MAD1L1: variants seen among roughly 807,000 people sequenced by gnomAD.
MAD1L1 encodes mitotic arrest deficient 1 like 1, also known as mitotic spindle assembly checkpoint protein MAD1.
MAD1L1 carries 95 observed loss-of-function variants against 96.9 expected under a neutral mutation model. The observed-to-expected ratio is 0.98, with a 90% CI of 0.83 to 1.16. MAD1L1 has a LOEUF of 1.16. MAD1L1 is among the 50% of genes most tolerant of loss of function. The probability of loss-of-function intolerance (pLI) is 0.00; values close to 1 mark genes in which losing one functional copy is unlikely to be tolerated. For missense variants in MAD1L1, 1,007 were observed against 954.4 expected, an observed-to-expected ratio of 1.06 and a Z score of -0.73; for synonymous variants, 473 against 396.6, an observed-to-expected ratio of 1.19 and a Z score of -2.29.
intron 13 of MAD1L1, among the ~76,000 whole-genome samples, chr7:2,010,395 A>G (rs73277179): frequency 0.018 from 2,746 of 152,276 alleles, 96 homozygotes; most frequent in African/African-American, 0.063. Context: ...GATTCTCCAC[A>G]CACCTCCACA....
intron 17 of MAD1L1, among the ~76,000 whole-genome samples, chr7:1,920,725 A>C (rs533471686): frequency 1.3e-5 from 2 of 152,364 alleles, no homozygotes; most frequent in South Asian, 4.1e-4. Flanking sequence ...CCCAACACTT[A>C]GAAATGACCA....
At position 2,103,947 on chromosome 7, in the gene MAD1L1, A is replaced by C. The variant is rs1289813241; in HGVS notation, c.1074-34609T>G. 6.6e-6 allele frequency among the ~76,000 whole-genome samples: 1 copy of C among 152,222 alleles called. No individual in the cohort carries two copies. The highest frequency in any genetic ancestry group is 1.5e-5 in the Non-Finnish European group (1 of 68,046). ...GGACGTCGGAGAAAGAGGCCCCCAG[A>C]CACATGGCAGAGAATCAAATATGCA... On this transcript the variant is annotated intron_variant, in intron 11 of 18. Transcript: ENST00000265854. The surrounding 1 kb of genome is among the most constrained non-coding windows in gnomAD (Gnocchi z 4.3).
intron 12 of MAD1L1, among the ~76,000 whole-genome samples, chr7:2,042,971 C>G (rs985625612): frequency 6.6e-6 from 1 of 152,118 alleles, no homozygotes. Flanking sequence ...CACAGGCCGA[C>G]CCCGTGAAGC....
At chr7:2,218,227 A>C (rs1281748371) in intron 6 of MAD1L1, among the ~76,000 whole-genome samples, 184 bp from the exon 7 acceptor site, 2 of 151,256 alleles carry the variant, frequency 1.3e-5, no homozygotes, top group Non-Finnish European at 3.0e-5. Context: ...TGGGTACCCC[A>C]AGGTCCCAGG....
At chr7:2,174,232 C>G (rs1303067784) in intron 10 of MAD1L1, among the ~76,000 whole-genome samples, 2 of 152,224 alleles carry the variant, frequency 1.3e-5, no homozygotes, top group African/African-American at 4.8e-5. Flanking sequence ...AAATTATTTT[C>G]CTGCAACTCT....
rs192108890 is a variant in MAD1L1, at chr7:1,833,895, C to G, written c.1999-17667G>C. Among the ~76,000 whole-genome samples, 13 of 152,310 alleles carry G rather than the reference C, an allele frequency of 8.5e-5. No homozygotes were observed. In the East Asian group the frequency reaches 2.5e-3, roughly 29 times the overall value. ...CCTGGAAGGCAGAGGTTGCAGTGAG[C>G]TGAGATTGCGCCATGCACTCCAGCC... On this transcript the variant is annotated intron_variant, in intron 18 of 18. Coordinates refer to ENST00000265854, the MANE Select transcript of MAD1L1 (RefSeq NM_001013836.2).
chr7:2,063,312 T>C (rs1205331201), intron 12 of MAD1L1, among the ~76,000 whole-genome samples: 2 of 152,242 alleles, frequency 1.3e-5, no homozygotes, highest in Non-Finnish European at 2.9e-5. Flanking sequence ...AGTCCCTGGC[T>C]CCGCGTCCTC....
chr7:2,225,022 A>G (rs1206104647), intron 4 of MAD1L1, among the ~76,000 whole-genome samples: 2 of 152,212 alleles, frequency 1.3e-5, no homozygotes, highest in African/African-American at 2.4e-5. Context: ...AGACCCAGCA[A>G]AAGAATCTGT....
chr7:2,038,263 T>C (rs1473619597), intron 12 of MAD1L1, among the ~76,000 whole-genome samples: 2 of 152,104 alleles, frequency 1.3e-5, no homozygotes, highest in African/African-American at 2.4e-5. Flanking sequence ...CACATAAAAG[T>C]ACAAGGTGAA....
intron 12 of MAD1L1, among the ~76,000 whole-genome samples, chr7:2,065,273 G>A (rs1784831098): frequency 6.6e-6 from 1 of 152,114 alleles, no homozygotes. Flanking sequence ...GGCCTAAACT[G>A]CACCCAGCGA....
chr7:2,138,755 G>T (rs1788880460), intron 11 of MAD1L1, among the ~76,000 whole-genome samples: 1 of 152,150 alleles, frequency 6.6e-6, no homozygotes, highest in Non-Finnish European at 1.5e-5. Flanking sequence ...CCCATTGAGG[G>T]TGGAACTGAC....
intron 12 of MAD1L1, among the ~76,000 whole-genome samples, chr7:2,056,649 G>A (rs934036415): frequency 6.6e-6 from 1 of 152,266 alleles, no homozygotes; most frequent in African/African-American, 2.4e-5. Flanking sequence ...GAGCTCCCAC[G>A]GGCTCCCACC....
chr7:1,949,926 C>T (rs1055772069), intron 16 of MAD1L1, among the ~76,000 whole-genome samples: 1 of 152,350 alleles, frequency 6.6e-6, no homozygotes, highest in Non-Finnish European at 1.5e-5. Context: ...CCGGACCCCC[C>T]AGGTCCCGCC....
intron 16 of MAD1L1, among the ~76,000 whole-genome samples, chr7:1,941,626 C>T (rs1169454273): frequency 2.0e-5 from 3 of 152,232 alleles, no homozygotes; most frequent in Non-Finnish European, 4.4e-5. Flanking sequence ...AGCCGCTACG[C>T]ATGCACCACC....
intron 5 of MAD1L1, among the ~76,000 whole-genome samples, chr7:2,220,368 G>A (rs953234595): frequency 3.3e-5 from 5 of 152,210 alleles, no homozygotes; most frequent in South Asian, 2.1e-4. Context: ...CCCACCAGGC[G>A]ACCTTCTGAG....
At chr7:2,123,643 G>A (rs1788088199) in intron 11 of MAD1L1, among the ~76,000 whole-genome samples, 3 of 152,188 alleles carry the variant, frequency 2.0e-5, no homozygotes, top group Admixed American at 2.0e-4. Context: ...GCCCTCAAGC[G>A]AGGACTCACG....
chr7:2,013,137 G>A (rs1402823602), intron 13 of MAD1L1, among the ~76,000 whole-genome samples: 3 of 152,218 alleles, frequency 2.0e-5, no homozygotes, highest in East Asian at 1.9e-4. Context: ...CCTGGCACAC[G>A]GCCCAGCCTG....
intron 17 of MAD1L1, among the ~76,000 whole-genome samples, chr7:1,928,538 A>C (rs1241635159): frequency 1.3e-5 from 2 of 152,218 alleles, no homozygotes; most frequent in Non-Finnish European, 2.9e-5. Context: ...CAGGCAGACG[A>C]TCTCAGCTTG....
In MAD1L1 at chr7:2,146,379, C is replaced by T. The variant is rs755001493; in HGVS notation, c.1073+2773G>A. ...CACTGGGCTACGAGGAACAGGGCAA[C>T]GCCTCGAAGAGGGAGCACCGGGCAC... On this transcript the variant is annotated intron_variant, in intron 11 of 18. Coordinates refer to ENST00000265854, the MANE Select transcript of MAD1L1 (RefSeq NM_001013836.2). This position sits in a 1 kb window ranked among gnomAD's most constrained non-coding sequence, Gnocchi z 6.2. Among the ~76,000 whole-genome samples the T allele has an allele frequency of 4.7e-5, 7 of 150,504 alleles. No homozygotes were observed. Among genetic ancestry groups the T allele is most frequent in the African/African-American group, 2.5e-5 (1 of 40,596 alleles).
Sources: allele counts gnomAD v4.1 joint callset (sites outside exome capture counted in the v4.1 genomes callset), GRCh38; gene constraint gnomAD v4.1.1; non-coding constraint Gnocchi (gnomAD v3.1); transcripts MANE v1.5; gene names NCBI Gene and HGNC (gene_info 2026-07-23, HGNC 2026-07-21).